The following CNTNAP5 variants were observed in gnomAD, a reference collection of about 807,000 sequenced individuals.
The protein encoded by CNTNAP5 is contactin associated protein family member 5.
A neutral mutation model predicts 150.2 loss-of-function variants in CNTNAP5; 72 were observed. That is an observed-to-expected ratio of 0.48 (90% confidence interval 0.40 to 0.58). CNTNAP5 has a LOEUF of 0.58. Ranked by LOEUF, CNTNAP5 falls within the 20% of genes least tolerant of loss-of-function variation. The pLI is 0.00. For synonymous variants in CNTNAP5, 672 were observed against 619.8 expected, an observed-to-expected ratio of 1.08 and a Z score of -1.25; for missense variants, 1,636 against 1,626.2, an observed-to-expected ratio of 1.01 and a Z score of -0.10.
At chr2:124,219,468 C>G (rs1156558289) in intron 1 of CNTNAP5, among the ~76,000 whole-genome samples, 1 of 152,048 alleles carries the variant, frequency 6.6e-6, no homozygotes, top group Non-Finnish European at 1.5e-5. Context: ...GCTGTGATTT[C>G]TTGTTAAGTA....
At chr2:124,495,711 G>A (rs1694127367) in intron 7 of CNTNAP5, among the ~76,000 whole-genome samples, 1 of 152,190 alleles carries the variant, frequency 6.6e-6, no homozygotes, top group African/African-American at 2.4e-5. Context: ...CCATAGTAAT[G>A]CCACTTGTTT....
chr2:124,133,257 A>G (rs1160726734), intron 1 of CNTNAP5, among the ~76,000 whole-genome samples: 1 of 152,134 alleles, frequency 6.6e-6, no homozygotes, highest in Non-Finnish European at 1.5e-5. Flanking sequence ...CTTCTGTTTT[A>G]AGTGAGTGTC....
At chr2:124,412,795 A>C (rs1453503287) in intron 3 of CNTNAP5, among the ~76,000 whole-genome samples, 9 of 96,730 alleles carry the variant, frequency 9.3e-5, no homozygotes, top group Middle Eastern at 4.1e-3. Flanking sequence ...AAACCTAGGC[A>C]TTACCATTCA....
chr2:124,860,815 G>A (rs1243643819), intron 19 of CNTNAP5, among the ~76,000 whole-genome samples: 1 of 152,022 alleles, frequency 6.6e-6, no homozygotes, highest in African/African-American at 2.4e-5. Flanking sequence ...TTATGAGAGG[G>A]AAACTTATGA....
chr2:124,328,089 A>T (rs546393077), intron 3 of CNTNAP5, among the ~76,000 whole-genome samples: 19 of 152,226 alleles, frequency 1.2e-4, no homozygotes, highest in Non-Finnish European at 1.8e-4. Context: ...AGAGCTACAG[A>T]AAGAAGAAAA....
chr2:124,857,787 A>G (rs907806434), intron 19 of CNTNAP5, among the ~76,000 whole-genome samples: 8 of 152,090 alleles, frequency 5.3e-5, no homozygotes, highest in Admixed American at 4.6e-4. Context: ...AGATCGCACC[A>G]CTGTACTCCA....
At chr2:124,545,301 A>G (rs1695486452) in intron 10 of CNTNAP5, among the ~76,000 whole-genome samples, 1 of 152,166 alleles carries the variant, frequency 6.6e-6, no homozygotes, top group East Asian at 2.0e-4. Context: ...AGTAAGAGGT[A>G]CTCTGCTTGG....
intron 1 of CNTNAP5, among the ~76,000 whole-genome samples, chr2:124,129,292 A>G (rs1683790510): frequency 1.3e-5 from 2 of 152,190 alleles, no homozygotes; most frequent in South Asian, 4.1e-4. Flanking sequence ...AGGTAGTCAC[A>G]CTTGTGAGTG....
chr2:124,330,470 G>C (rs1483589635), intron 3 of CNTNAP5, among the ~76,000 whole-genome samples: 1 of 152,116 alleles, frequency 6.6e-6, no homozygotes, highest in Non-Finnish European at 1.5e-5. Context: ...TGGAGTCATG[G>C]GGGTGGTTTC....
intron 21 of CNTNAP5, among the ~76,000 whole-genome samples, chr2:124,880,930 G>A (rs1208054696): frequency 2.6e-5 from 4 of 152,098 alleles, no homozygotes; most frequent in Non-Finnish European, 5.9e-5. Flanking sequence ...TCAATAGATG[G>A]AGTACATTCC....
chr2:124,309,098 C>A (rs1027550627), intron 3 of CNTNAP5, among the ~76,000 whole-genome samples: 3 of 152,110 alleles, frequency 2.0e-5, no homozygotes, highest in Non-Finnish European at 4.4e-5. Context: ...CTAAATTAAG[C>A]ACATCAAAAT....
At chr2:124,305,109 T>TAAAAAAAAAAA (rs1688652779) in intron 3 of CNTNAP5, among the ~76,000 whole-genome samples, 1 of 13,248 alleles carries the variant, frequency 7.5e-5, no homozygotes, top group Non-Finnish European at 1.5e-4. Context: ...GTACAAAAAA[T>TAAAAAAAAAAA]ACAAAAAAAA....
chr2:124,351,149 T>C (rs1170629618), intron 3 of CNTNAP5, among the ~76,000 whole-genome samples: 1 of 152,184 alleles, frequency 6.6e-6, no homozygotes, highest in Non-Finnish European at 1.5e-5. Flanking sequence ...TTTGGGGAAC[T>C]GGGAGATGGG....
intron 3 of CNTNAP5, among the ~76,000 whole-genome samples, chr2:124,296,315 C>T (rs1294312630): frequency 6.6e-6 from 1 of 152,220 alleles, no homozygotes; most frequent in Non-Finnish European, 1.5e-5. Context: ...AACAAGCACC[C>T]TGCAAAGTTG....
intron 21 of CNTNAP5, among the ~76,000 whole-genome samples, chr2:124,896,179 A>G (rs1231470150): frequency 6.6e-6 from 1 of 151,624 alleles, no homozygotes; most frequent in African/African-American, 2.4e-5. Flanking sequence ...TGCTTCATCA[A>G]AGAGAGCGTT....
chr2:124,425,733 C>T (rs59205600), intron 4 of CNTNAP5, among the ~76,000 whole-genome samples: 40,938 of 151,898 alleles, frequency 0.27, 6,016 homozygotes, highest in East Asian at 0.5. Context: ...TTCCCTGTAC[C>T]GCATCTTACA....
chr2:124,705,399 G>A (rs898968157), intron 13 of CNTNAP5, among the ~76,000 whole-genome samples: 9 of 152,194 alleles, frequency 5.9e-5, no homozygotes, highest in South Asian at 2.1e-4. Context: ...GTGGTGGCAT[G>A]TGCCTGTAAT....
chr2:124,740,891 T>G (rs1002527548), intron 13 of CNTNAP5, among the ~76,000 whole-genome samples: 1 of 152,066 alleles, frequency 6.6e-6, no homozygotes. Flanking sequence ...GAAGGGCAGG[T>G]GGAAACATGC....
chr2:124,628,702 T>C (rs1195160379), intron 12 of CNTNAP5, among the ~76,000 whole-genome samples: 1 of 152,152 alleles, frequency 6.6e-6, no homozygotes, highest in Admixed American at 6.5e-5. Flanking sequence ...AGGGTCAAAT[T>C]CACATATAAC....
Sources: gnomAD v4.1 joint callset for allele counts (sites outside exome capture counted in the v4.1 genomes callset) on GRCh38, gnomAD v4.1.1 for gene constraint, MANE v1.5 for transcripts, NCBI Gene and HGNC (gene_info 2026-07-23, HGNC 2026-07-21) for gene names.